NKAIN2: variants seen among roughly 807,000 people sequenced by gnomAD.
The protein encoded by NKAIN2 is sodium/potassium-transporting ATPase subunit beta-1-interacting protein 2.
NKAIN2 carries 14 observed loss-of-function variants against 32.6 expected under a neutral mutation model. The observed-to-expected ratio is 0.43, with a 90% confidence interval of 0.28 to 0.67. The LOEUF is 0.67. Ranked by LOEUF, NKAIN2 falls within the 30% of genes least tolerant of loss-of-function variation. NKAIN2 has a pLI of 0.17. For missense variants in NKAIN2, 198 were observed against 258.3 expected, an observed-to-expected ratio of 0.77 and a Z score of 1.60; for synonymous variants, 80 against 87.2, an observed-to-expected ratio of 0.92 and a Z score of 0.46.
intron 3 of NKAIN2, among the ~76,000 whole-genome samples, chr6:124,644,657 GC>G (rs1365340008): frequency 9.9e-5 from 15 of 152,032 alleles, no homozygotes; most frequent in African/African-American, 3.1e-4. Flanking sequence ...GCCTGCCTCG[GC>G]CCCCCCAAAG....
intron 4 of NKAIN2, among the ~76,000 whole-genome samples, chr6:124,715,324 G>A (rs990801010): frequency 7.2e-5 from 11 of 152,276 alleles, no homozygotes; most frequent in African/African-American, 2.2e-4. Context: ...GGAGAACGGG[G>A]TCACATGGGA....
At chr6:124,411,398 A>C (rs1774174177) in intron 3 of NKAIN2, among the ~76,000 whole-genome samples, 1 of 152,198 alleles carries the variant, frequency 6.6e-6, no homozygotes, top group South Asian at 2.1e-4. Context: ...ATCTCTCAGC[A>C]TTTGCTTGTC....
At chr6:124,485,938 C>T (rs1306995529) in intron 3 of NKAIN2, among the ~76,000 whole-genome samples, 2 of 152,086 alleles carry the variant, frequency 1.3e-5, no homozygotes, top group Non-Finnish European at 2.9e-5. Context: ...TGAAAGCCTT[C>T]GAGGTGTGAA....
intron 4 of NKAIN2, among the ~76,000 whole-genome samples, chr6:124,670,166 A>G (rs922389896): frequency 6.6e-6 from 1 of 152,144 alleles, no homozygotes; most frequent in Non-Finnish European, 1.5e-5. Flanking sequence ...CTTGATTGCT[A>G]GAAGCCAATA....
intron 4 of NKAIN2, among the ~76,000 whole-genome samples, chr6:124,704,772 T>A (rs1259004486): frequency 1.3e-5 from 2 of 151,944 alleles, no homozygotes; most frequent in East Asian, 3.9e-4. Flanking sequence ...TCTACTATGA[T>A]TTATATCCTG....
At chr6:123,805,969 T>C (rs1582559177) in intron 1 of NKAIN2, among the ~76,000 whole-genome samples, 1 of 152,156 alleles carries the variant, frequency 6.6e-6, no homozygotes, top group East Asian at 1.9e-4. Context: ...TTTTGTGTGA[T>C]GAATACAAAC....
Position 124,671,604 on chromosome 6 carries a change from C to A in NKAIN2, c.474+13218C>A, listed in dbSNP as rs188879422. ...AATACTCTGAAAGCTGAACCTTCAG[C>A]TCTTATTCTGATCAACAATCTGTTT... is the stretch of plus-strand genomic sequence containing the variant. On this transcript the variant is annotated intron_variant, in intron 4 of 6. Transcript: ENST00000368417. 7.0e-4 allele frequency among the ~76,000 whole-genome samples: 107 copies of A among 152,186 alleles called. 1 individual carries two copies. Among genetic ancestry groups the A allele is most frequent in the Non-Finnish European group, 7.8e-4 (53 of 67,978 alleles).
rs1439405394 is a variant in NKAIN2 at position 123,964,084 on chromosome 6, A to G, written c.54+159830A>G. On this transcript the variant is annotated intron_variant, in intron 1 of 6. Coordinates refer to ENST00000368417, the MANE Select transcript of NKAIN2 (RefSeq NM_001040214.3). The surrounding 1 kb of genome is among the most constrained non-coding windows in gnomAD (Gnocchi z 4.0). ...ATCCTTGTTCAGGAACACAACATCC[A>G]ATTACAAAATTACTCCTAGGGGAAA... 1.3e-5 allele frequency among the ~76,000 whole-genome samples: 2 copies of G among 152,158 alleles called. No individual in the cohort carries two copies. The highest frequency in any genetic ancestry group is 2.9e-5 in the Non-Finnish European group (2 of 68,024).
intron 6 of NKAIN2, among the ~76,000 whole-genome samples, chr6:124,818,912 T>C (rs1781283547): frequency 6.6e-6 from 1 of 152,140 alleles, no homozygotes; most frequent in South Asian, 2.1e-4. Context: ...TTCACCCTAG[T>C]TATATGTAGT....
At chr6:124,454,868 C>A (rs1187891131) in intron 3 of NKAIN2, among the ~76,000 whole-genome samples, 1 of 151,938 alleles carries the variant, frequency 6.6e-6, no homozygotes, top group African/African-American at 2.4e-5. Context: ...AAATGGTGTT[C>A]TCTTTAGTTA....
At chr6:124,496,231 A>G (rs1312994925) in intron 3 of NKAIN2, among the ~76,000 whole-genome samples, 4 of 152,192 alleles carry the variant, frequency 2.6e-5, no homozygotes, top group Non-Finnish European at 5.9e-5. Flanking sequence ...TCCAGCCATC[A>G]GTCCTTTCAT....
At chr6:124,182,189 C>G (rs985553735) in intron 1 of NKAIN2, among the ~76,000 whole-genome samples, 1 of 152,142 alleles carries the variant, frequency 6.6e-6, no homozygotes, top group Non-Finnish European at 1.5e-5. Context: ...GACTCATTCA[C>G]TATCATGAGA....
chr6:124,264,381 C>T (rs187937518), intron 1 of NKAIN2, among the ~76,000 whole-genome samples: 1 of 152,174 alleles, frequency 6.6e-6, no homozygotes, highest in African/African-American at 2.4e-5. Flanking sequence ...GTATGGAAAA[C>T]AATAAGCCAT....
At chr6:123,846,992 T>C (rs1304441089) in intron 1 of NKAIN2, among the ~76,000 whole-genome samples, 2 of 152,208 alleles carry the variant, frequency 1.3e-5, no homozygotes, top group Non-Finnish European at 2.9e-5. Context: ...GTAAGATGGC[T>C]AAGAGCAGAG....
chr6:124,076,949 A>T (rs1783722136), intron 1 of NKAIN2, among the ~76,000 whole-genome samples: 1 of 152,210 alleles, frequency 6.6e-6, no homozygotes, highest in South Asian at 2.1e-4. Flanking sequence ...ATATGTATTT[A>T]ATGAAGTAAA....
intron 3 of NKAIN2, among the ~76,000 whole-genome samples, chr6:124,425,586 A>G (rs555623939): frequency 4.6e-5 from 7 of 152,268 alleles, no homozygotes; most frequent in Admixed American, 3.9e-4. Context: ...TGAGGAATTT[A>G]TACAACACAG....
chr6:124,178,596 C>A (rs769414505), intron 1 of NKAIN2, among the ~76,000 whole-genome samples: 14 of 152,040 alleles, frequency 9.2e-5, no homozygotes, highest in Non-Finnish European at 1.9e-4. Context: ...CACACCTGGC[C>A]GACATACATT....
intron 1 of NKAIN2, among the ~76,000 whole-genome samples, chr6:124,051,656 A>G (rs540306638): frequency 6.6e-6 from 1 of 152,056 alleles, no homozygotes; most frequent in African/African-American, 2.4e-5. Context: ...TTATTCCATT[A>G]AATTATCATA....
At chr6:124,193,728 AAGG>A (rs1210320590) in intron 1 of NKAIN2, among the ~76,000 whole-genome samples, 9 of 152,016 alleles carry the variant, frequency 5.9e-5, no homozygotes. Flanking sequence ...GAGGGTGCGC[AAGG>A]AGAAGAGGAG....
Sources: allele counts gnomAD v4.1 joint callset (sites outside exome capture counted in the v4.1 genomes callset), GRCh38; gene constraint gnomAD v4.1.1; non-coding constraint Gnocchi (gnomAD v3.1); transcripts MANE v1.5; gene names NCBI Gene and HGNC (gene_info 2026-07-23, HGNC 2026-07-21).